PDE10A: variants seen among roughly 807,000 people sequenced by gnomAD.
PDE10A encodes the protein phosphodiesterase 10A.
In PDE10A, 39 loss-of-function variants were observed where a neutral mutation model predicts 97.7. That is an observed-to-expected ratio of 0.40 (90% confidence interval 0.31 to 0.52). PDE10A has a LOEUF of 0.52. PDE10A is among the 20% of genes least tolerant of loss of function. The pLI, the probability that PDE10A is intolerant of heterozygous loss-of-function variation, is 0.56. For synonymous variants in PDE10A, 371 were observed against 376.8 expected (o/e 0.98, Z 0.18); for missense variants, 731 against 1,047.8 (o/e 0.70, Z 4.17).
chr6:165,427,388 T>C (rs1310443214), intron 10 of PDE10A, among the ~76,000 whole-genome samples: 1 of 152,168 alleles, frequency 6.6e-6, no homozygotes, highest in Non-Finnish European at 1.5e-5. Context: ...ATTATGTGAT[T>C]CTTTTCAGAT....
At chr6:165,924,321 C>T (rs974522802) in intron 1 of PDE10A, among the ~76,000 whole-genome samples, 2 of 152,128 alleles carry the variant, frequency 1.3e-5, no homozygotes, top group South Asian at 4.1e-4. Context: ...TTCATGGTCT[C>T]CATGTTGGAT....
At chr6:165,823,987 G>A (rs1041212152) in intron 1 of PDE10A, among the ~76,000 whole-genome samples, 1 of 152,174 alleles carries the variant, frequency 6.6e-6, no homozygotes, top group Non-Finnish European at 1.5e-5. Context: ...TCATTGGTTT[G>A]CCTAGTTTAA....
intron 1 of PDE10A, among the ~76,000 whole-genome samples, chr6:165,829,616 G>T (rs1779854780): frequency 6.6e-6 from 1 of 152,216 alleles, no homozygotes; most frequent in African/African-American, 2.4e-5. Flanking sequence ...CTCTGTGTAA[G>T]GGTAAATGGC....
intron 1 of PDE10A, among the ~76,000 whole-genome samples, chr6:165,712,017 G>A (rs865990475): frequency 1.3e-5 from 2 of 152,144 alleles, no homozygotes; most frequent in South Asian, 2.1e-4. Context: ...CTTTATTGCT[G>A]ATGGGCCCTG....
intron 3 of PDE10A, among the ~76,000 whole-genome samples, chr6:165,466,239 C>T (rs1411121337): frequency 1.3e-5 from 2 of 152,104 alleles, no homozygotes; most frequent in Admixed American, 6.5e-5. Context: ...ATGAAAAGGG[C>T]TTTTCACACT....
At chr6:165,675,890 G>A (rs1449495693) in intron 1 of PDE10A, among the ~76,000 whole-genome samples, 2 of 152,040 alleles carry the variant, frequency 1.3e-5, no homozygotes, top group African/African-American at 4.8e-5. Context: ...TAGTTACTGG[G>A]TATCTACCCA....
intron 17 of PDE10A, among the ~76,000 whole-genome samples, chr6:165,386,838 TAAAA>T (rs1296726151): frequency 8.8e-6 from 1 of 113,338 alleles, no homozygotes; most frequent in Admixed American, 9.4e-5. Flanking sequence ...CCAGCTCTAC[TAAAA>T]AAAAAAAAAA....
rs1790357264 is a variant in PDE10A at position 165,662,821 on chromosome 6, C to CCGGGCCGCGGAGGGG, written c.-25_-11dup. On this transcript the variant is annotated 5_prime_UTR_variant, in exon 1 of 22. Coordinates refer to ENST00000539869, the MANE Select transcript of PDE10A (RefSeq NM_001385079.1). ...CCTCGAGGCTGGCCATGGTTCCTCC[C>CCGGGCCGCGGAGGGG]CGGGCCGCGGAGGGGCAGGCCGCGG... Among the ~76,000 whole-genome samples, 3 of 149,300 alleles carry CCGGGCCGCGGAGGGG rather than the reference C, an allele frequency of 2.0e-5. No individual in the cohort carries two copies. Among genetic ancestry groups the CCGGGCCGCGGAGGGG allele is most frequent in the African/African-American group, 4.9e-5 (2 of 40,786 alleles).
At chr6:165,492,575 A>T (rs905741192) in intron 2 of PDE10A, among the ~76,000 whole-genome samples, 3 of 152,196 alleles carry the variant, frequency 2.0e-5, no homozygotes, top group Non-Finnish European at 4.4e-5. Flanking sequence ...CATAAACAGA[A>T]TCAAAAACAA....
At chr6:165,706,511 T>A (rs1159232793) in intron 1 of PDE10A, among the ~76,000 whole-genome samples, 9 of 152,198 alleles carry the variant, frequency 5.9e-5, no homozygotes, top group Non-Finnish European at 1.5e-5. Context: ...AGGATAAGAA[T>A]TGAACCAAAG....
chr6:165,644,035 T>C (rs769453277), intron 1 of PDE10A, among the ~76,000 whole-genome samples: 1 of 152,132 alleles, frequency 6.6e-6, no homozygotes, highest in Non-Finnish European at 1.5e-5. Context: ...TGTTGTCAGG[T>C]AGACATCCTC....
chr6:165,522,091 C>A (rs1583459896), intron 2 of PDE10A, among the ~76,000 whole-genome samples: 1 of 152,110 alleles, frequency 6.6e-6, no homozygotes, highest in African/African-American at 2.4e-5. Flanking sequence ...GACACTTTTG[C>A]TGCTTCCACA....
At chr6:165,714,292 G>A (rs914837379) in intron 1 of PDE10A, among the ~76,000 whole-genome samples, 4 of 152,210 alleles carry the variant, frequency 2.6e-5, no homozygotes, top group Admixed American at 6.5e-5. Flanking sequence ...GTGGCGTGCC[G>A]TAGCCACTCC....
rs559254085 is a variant in PDE10A, at chr6:165,647,398, G to A, written c.865+14549C>T. On this transcript the variant is annotated intron_variant, in intron 1 of 21. Transcript: ENST00000539869. ...AGACAGGACCGAGTGAAGGCGAAAC[G>A]CTCAGAGACAGGAGAGGGCAGAGGT... Among the ~76,000 whole-genome samples, 9 of 152,318 alleles carry A rather than the reference G, an allele frequency of 5.9e-5. No individual in the cohort carries two copies. In the East Asian group the frequency reaches 7.7e-4, roughly 13 times the overall value.
At chr6:165,953,505 T>C (rs1784035154) in intron 1 of PDE10A, among the ~76,000 whole-genome samples, 1 of 151,802 alleles carries the variant, frequency 6.6e-6, no homozygotes, top group African/African-American at 2.4e-5. Flanking sequence ...GCAGGAGAAT[T>C]GCTTGAACCC....
At chr6:165,890,036 A>C (rs998406339) in intron 1 of PDE10A, among the ~76,000 whole-genome samples, 665 of 15,374 alleles carry the variant, frequency 0.043, no homozygotes, top group African/African-American at 0.05. Context: ...TCCCTCCCTC[A>C]CTCCTCCCTC....
chr6:165,415,264 T>C (rs1788228289), intron 12 of PDE10A, among the ~76,000 whole-genome samples: 1 of 152,190 alleles, frequency 6.6e-6, no homozygotes, highest in Non-Finnish European at 1.5e-5. Flanking sequence ...ATTGACAATA[T>C]ACATTACTAG....
At chr6:165,609,656 A>C (rs1398089099) in intron 1 of PDE10A, among the ~76,000 whole-genome samples, 1 of 152,250 alleles carries the variant, frequency 6.6e-6, no homozygotes, top group Non-Finnish European at 1.5e-5. Context: ...CAACTTCAGC[A>C]AAGTCTCAGA....
Position 165,621,774 on chromosome 6 carries a change from G to A in PDE10A, c.865+40173C>T, listed in dbSNP as rs114825640. 5.6e-3 allele frequency among the ~76,000 whole-genome samples: 823 copies of A among 147,694 alleles called. 11 individuals carry two copies. Among genetic ancestry groups the A allele is most frequent in the African/African-American group, 0.021 (793 of 38,172 alleles). ...TCTTATCTAAAAAAGAAAAAAAAAA[G>A]AAGAAGAAGAAGAAACACAGGATTG... On this transcript the variant is annotated intron_variant, in intron 1 of 21. Transcript: ENST00000539869.
Sources: gnomAD v4.1 joint callset for allele counts (sites outside exome capture counted in the v4.1 genomes callset) on GRCh38, gnomAD v4.1.1 for gene constraint, MANE v1.5 for transcripts, NCBI Gene and HGNC (gene_info 2026-07-23, HGNC 2026-07-21) for gene names.